Variants in KDM6A observed in about 807,000 individuals in gnomAD.
KDM6A encodes lysine demethylase 6A, also known as lysine-specific demethylase 6A.
KDM6A carries 11 observed loss-of-function variants against 117.6 expected under a neutral mutation model. That is an observed-to-expected ratio of 0.09 (90% CI 0.06 to 0.15). The LOEUF (loss-of-function observed/expected upper bound fraction) is 0.15. Ranked by LOEUF, KDM6A falls within the 10% of genes least tolerant of loss-of-function variation. The probability of loss-of-function intolerance (pLI) is 1.00; values close to 1 mark genes in which losing one functional copy is unlikely to be tolerated. For synonymous variants in KDM6A, 384 were observed against 396.1 expected (o/e 0.97, Z 0.36); for missense variants, 799 against 1,077.3 (o/e 0.74, Z 3.62).
chrX:44,909,578 A>G (rs2034951729), intron 2 of KDM6A, among the ~76,000 whole-genome samples: 1 of 111,697 alleles, frequency 9.0e-6, no homozygotes, highest in Non-Finnish European at 1.9e-5. Context: ...TCACCTATAG[A>G]TAACTATACA....
intron 4 of KDM6A, among the ~76,000 whole-genome samples, chrX:44,977,730 A>G (rs1307707764): frequency 8.9e-6 from 1 of 112,117 alleles, no homozygotes; most frequent in African/African-American, 3.2e-5. Flanking sequence ...CCTTTTTGTC[A>G]GCAGACTTGC....
intron 6 of KDM6A, among the ~76,000 whole-genome samples, chrX:45,031,888 A>T (rs1269306083): frequency 8.9e-6 from 1 of 111,735 alleles, no homozygotes; most frequent in Non-Finnish European, 1.9e-5. Flanking sequence ...ATACTATAAC[A>T]TTATTTTGAA....
chrX:44,984,842 G>T (rs1482710397), intron 4 of KDM6A, among the ~76,000 whole-genome samples: 2 of 111,675 alleles, frequency 1.8e-5, no homozygotes, highest in Non-Finnish European at 3.8e-5. Flanking sequence ...AAGCCAGATA[G>T]TGTGATGCCT....
At chrX:44,952,592 C>T (rs918174471) in intron 2 of KDM6A, among the ~76,000 whole-genome samples, 1 of 111,520 alleles carries the variant, frequency 9.0e-6, no homozygotes, top group East Asian at 2.8e-4. Flanking sequence ...ACTCTTTTGA[C>T]AAAAGATGTG....
At chrX:44,902,809 G>A (rs2034437555) in intron 2 of KDM6A, among the ~76,000 whole-genome samples, 1 of 112,183 alleles carries the variant, frequency 8.9e-6, no homozygotes, top group Non-Finnish European at 1.9e-5. Context: ...GGATTGGGAA[G>A]TCCAAGATCA....
At chrX:44,966,138 T>TATA (rs1403844338) in intron 3 of KDM6A, among the ~76,000 whole-genome samples, 19 of 105,763 alleles carry the variant, frequency 1.8e-4, no homozygotes, top group African/African-American at 6.4e-4. Flanking sequence ...ATATATATAT[T>TATA]TTTTTTTTAA....
At chrX:45,060,383 T>G (rs1318831196) in intron 13 of KDM6A, among the ~76,000 whole-genome samples, 1 of 112,208 alleles carries the variant, frequency 8.9e-6, no homozygotes, top group East Asian at 2.8e-4. Flanking sequence ...TGAAGGAGAT[T>G]TCTTAAAATA....
intron 2 of KDM6A, among the ~76,000 whole-genome samples, chrX:44,927,898 C>T (rs771234021): frequency 3.5e-4 from 39 of 110,970 alleles, no homozygotes; most frequent in Non-Finnish European, 6.2e-4. Context: ...ATAGTCCAGG[C>T]AAGTCTGTAA....
intron 2 of KDM6A, among the ~76,000 whole-genome samples, chrX:44,939,520 C>T (rs892354893): frequency 8.9e-6 from 1 of 112,169 alleles, no homozygotes; most frequent in Non-Finnish European, 1.9e-5. Flanking sequence ...GAACTCACTC[C>T]TGGTGAAGAT....
intron 3 of KDM6A, among the ~76,000 whole-genome samples, chrX:44,974,395 ACT>A (rs2039517152): frequency 9.0e-6 from 1 of 110,574 alleles, no homozygotes. Flanking sequence ...TTTATATCTA[ACT>A]CTCTTAATCC....
intron 4 of KDM6A, among the ~76,000 whole-genome samples, chrX:45,002,093 T>C (rs1339280120): frequency 1.8e-5 from 2 of 111,321 alleles, no homozygotes; most frequent in African/African-American, 3.3e-5. Flanking sequence ...TAGCCCTTGG[T>C]GCCTTCTTAC....
At chrX:45,107,291 T>G in intron 27 of KDM6A, 119 bp from the exon 28 acceptor site, 1 of 697,908 alleles carries the variant, frequency 1.4e-6, no homozygotes, top group Non-Finnish European at 2.2e-6. Context: ...AAAGAAAAAT[T>G]ATGAAGTCAT....
intron 2 of KDM6A, among the ~76,000 whole-genome samples, chrX:44,894,771 T>C (rs1399991654): frequency 9.5e-6 from 1 of 105,713 alleles, no homozygotes; most frequent in Non-Finnish European, 1.9e-5. Context: ...CCCGTCTTCA[T>C]GCCCGGCTAG....
At chrX:45,016,507 A>G (rs868116912) in intron 5 of KDM6A, among the ~76,000 whole-genome samples, 7 of 105,911 alleles carry the variant, frequency 6.6e-5, no homozygotes, top group Admixed American at 4.1e-4. Flanking sequence ...GTATTTGTTT[A>G]TTTATTTATT....
chrX:45,107,274 A>AT, intron 27 of KDM6A, 136 bp from the exon 28 acceptor site: 2 of 605,629 alleles, frequency 3.3e-6, no homozygotes, highest in South Asian at 5.3e-5. Context: ...TATTTGATAA[A>AT]TTGATGAAAG....
At chrX:44,952,554 C>T (rs1340953997) in intron 2 of KDM6A, among the ~76,000 whole-genome samples, 2 of 110,829 alleles carry the variant, frequency 1.8e-5, no homozygotes, top group African/African-American at 6.6e-5. Flanking sequence ...ATTATAGGCG[C>T]GAGCCACCGC....
intron 2 of KDM6A, among the ~76,000 whole-genome samples, chrX:44,922,291 C>A (rs1050268505): frequency 9.3e-6 from 1 of 107,022 alleles, no homozygotes; most frequent in Non-Finnish European, 1.9e-5. Flanking sequence ...TGACCTCAGG[C>A]GATCTACTTG....
chrX:44,919,100 GAC>G (rs1347306867), intron 2 of KDM6A, among the ~76,000 whole-genome samples: 2 of 111,787 alleles, frequency 1.8e-5, no homozygotes, highest in Non-Finnish European at 3.8e-5. Flanking sequence ...AAAAATTAAA[GAC>G]AGAGCATTCC....
intron 6 of KDM6A, 28 bp downstream of exon 6, chrX:45,020,758 A>G (rs747806931): frequency 6.7e-5 from 80 of 1,200,027 alleles, no homozygotes; most frequent in Non-Finnish European, 8.9e-5. Flanking sequence ...TTCAAGATAC[A>G]ATGTTTAATT....
Sources: gnomAD v4.1 joint callset for allele counts (sites outside exome capture counted in the v4.1 genomes callset) on GRCh38, gnomAD v4.1.1 for gene constraint, MANE v1.5 for transcripts, NCBI Gene and HGNC (gene_info 2026-07-23, HGNC 2026-07-21) for gene names.